Variants in SUGCT observed in about 807,000 individuals in gnomAD.
SUGCT encodes the protein succinyl-CoA:glutarate-CoA transferase.
SUGCT carries 41 observed loss-of-function variants against 55.0 expected under a neutral mutation model. That is an observed-to-expected ratio of 0.74 (90% CI 0.58 to 0.97). SUGCT has a LOEUF of 0.97. SUGCT is among the 50% of genes least tolerant of loss of function. The pLI is 0.00. For missense variants in SUGCT, 568 were observed against 547.8 expected (o/e 1.04, Z -0.37); for synonymous variants, 187 against 200.4 (o/e 0.93, Z 0.56).
the SUGCT span, among the ~76,000 whole-genome samples, chr7:40,993,542 C>T: frequency 1.3e-5 from 2 of 152,144 alleles, no homozygotes; most frequent in African/African-American, 4.8e-5. Context: ...GTTGGGTGTT[C>T]ACATCTCACC....
chr7:40,498,098 G>A (rs1212300377), intron 12 of SUGCT, among the ~76,000 whole-genome samples: 1 of 151,930 alleles, frequency 6.6e-6, no homozygotes, highest in African/African-American at 2.4e-5. Context: ...TTGGTCTATG[G>A]CATATTTTCA....
At chr7:40,945,298 C>T in the SUGCT span, among the ~76,000 whole-genome samples, 9 of 152,228 alleles carry the variant, frequency 5.9e-5, no homozygotes, top group African/African-American at 2.2e-4. Flanking sequence ...ATTCCTGATC[C>T]AGTGTTCTAG....
At chr7:40,887,430 A>G in the SUGCT span, among the ~76,000 whole-genome samples, 2 of 152,246 alleles carry the variant, frequency 1.3e-5, no homozygotes, top group Non-Finnish European at 2.9e-5. Context: ...CATGGAGACA[A>G]GTATAGATTC....
Position 40,829,529 on chromosome 7 carries a change from T to G in SUGCT, c.1154-30787T>G, listed in dbSNP as rs1240559360. 2.0e-5 allele frequency among the ~76,000 whole-genome samples: 3 copies of G among 152,266 alleles called. No homozygotes were observed. In the East Asian group the frequency reaches 5.8e-4, roughly 29 times the overall value. On this transcript the variant is annotated intron_variant, in intron 13 of 13. Transcript: ENST00000335693. ...GGAGTGTCAGTTATTTTATTTTCAGTATTCAGCATGTTTTGAAATATTTCA... is the reference window on the plus strand; with the variant it reads ...GGAGTGTCAGTTATTTTATTTTCAGGATTCAGCATGTTTTGAAATATTTCA...
At chr7:40,510,412 T>C (rs1254268951) in intron 12 of SUGCT, among the ~76,000 whole-genome samples, 1 of 152,144 alleles carries the variant, frequency 6.6e-6, no homozygotes, top group African/African-American at 2.4e-5. Context: ...GTAAACACAG[T>C]GTTTTGGAGT....
chr7:40,940,622 AT>A, the SUGCT span, among the ~76,000 whole-genome samples: 2 of 151,942 alleles, frequency 1.3e-5, no homozygotes, highest in Non-Finnish European at 2.9e-5. Context: ...ATTTTAAGAT[AT>A]TTTAAATTTT....
Position 40,768,857 on chromosome 7 carries a change from A to C in SUGCT, c.1153+19360A>C, listed in dbSNP as rs1011313082. On this transcript the variant is annotated intron_variant, in intron 13 of 13. Transcript: ENST00000335693. ...GTATTGGAAGGCAGGTGCACACAGAAGTTTGATGGGGAGGCACATGTGAGT... is the reference window on the plus strand; with the variant it reads ...GTATTGGAAGGCAGGTGCACACAGACGTTTGATGGGGAGGCACATGTGAGT... Among the ~76,000 whole-genome samples the C allele has an allele frequency of 3.9e-5, 6 of 152,146 alleles. No individual in the cohort carries two copies. In the East Asian group the frequency reaches 1.2e-3, roughly 29 times the overall value.
intron 11 of SUGCT, among the ~76,000 whole-genome samples, chr7:40,477,801 T>A (rs1790788252): frequency 6.6e-6 from 1 of 152,206 alleles, no homozygotes; most frequent in South Asian, 2.1e-4. Flanking sequence ...GCTTGTATAT[T>A]CTGGCGTGTT....
chr7:40,843,282 C>G (rs907361958), intron 13 of SUGCT, among the ~76,000 whole-genome samples: 2 of 151,934 alleles, frequency 1.3e-5, no homozygotes, highest in Non-Finnish European at 2.9e-5. Context: ...GAGGCCGAGG[C>G]GGGCAGATCA....
chr7:40,976,241 C>T, the SUGCT span, among the ~76,000 whole-genome samples: 17 of 152,172 alleles, frequency 1.1e-4, no homozygotes, highest in African/African-American at 4.1e-4. Flanking sequence ...CTGCTGCCCT[C>T]AATTGCTTCT....
chr7:41,016,900 G>A, the SUGCT span, among the ~76,000 whole-genome samples: 4 of 152,174 alleles, frequency 2.6e-5, no homozygotes, highest in African/African-American at 9.7e-5. Context: ...TGGAAATCAG[G>A]TTCTTTCCTT....
chr7:40,799,378 A>C (rs1368876427), intron 13 of SUGCT, among the ~76,000 whole-genome samples: 1 of 152,238 alleles, frequency 6.6e-6, no homozygotes, highest in African/African-American at 2.4e-5. Context: ...GCTTCTAAAG[A>C]AAGCATATAA....
At chr7:40,332,688 G>A (rs1046680070) in intron 9 of SUGCT, among the ~76,000 whole-genome samples, 4 of 152,106 alleles carry the variant, frequency 2.6e-5, no homozygotes, top group Admixed American at 1.3e-4. Context: ...TCTGAGGTTT[G>A]TTCAGCAAAC....
intron 12 of SUGCT, among the ~76,000 whole-genome samples, chr7:40,727,039 C>T (rs1786647185): frequency 6.6e-6 from 1 of 152,192 alleles, no homozygotes; most frequent in African/African-American, 2.4e-5. Flanking sequence ...CATGGGCTGT[C>T]AAATAATGAC....
chr7:40,873,539 C>T, the SUGCT span, among the ~76,000 whole-genome samples: 1 of 152,252 alleles, frequency 6.6e-6, no homozygotes, highest in African/African-American at 2.4e-5. Context: ...AACCTACGCC[C>T]TTCTTGCTTC....
chr7:40,915,600 A>G, the SUGCT span, among the ~76,000 whole-genome samples: 2 of 152,174 alleles, frequency 1.3e-5, no homozygotes, highest in African/African-American at 4.8e-5. Flanking sequence ...ATTCTACCAA[A>G]AGCAGAAAAG....
intron 13 of SUGCT, among the ~76,000 whole-genome samples, chr7:40,761,847 G>T (rs115424350): frequency 6.6e-6 from 1 of 152,160 alleles, no homozygotes; most frequent in Non-Finnish European, 1.5e-5. Flanking sequence ...AAAACTGACC[G>T]TCCTCCGAGG....
intron 12 of SUGCT, among the ~76,000 whole-genome samples, chr7:40,527,345 C>G (rs1056089470): frequency 3.9e-5 from 6 of 152,190 alleles, no homozygotes; most frequent in African/African-American, 1.4e-4. Flanking sequence ...TTTGGTGACA[C>G]AAAACTCTTT....
At chr7:40,773,668 T>C (rs182856021) in intron 13 of SUGCT, among the ~76,000 whole-genome samples, 27 of 152,302 alleles carry the variant, frequency 1.8e-4, no homozygotes, top group African/African-American at 5.8e-4. Flanking sequence ...TTGCTTTTTG[T>C]CTGAGTTCCA....
Sources: allele counts gnomAD v4.1 joint callset (sites outside exome capture counted in the v4.1 genomes callset), GRCh38; gene constraint gnomAD v4.1.1; transcripts MANE v1.5; gene names NCBI Gene and HGNC (gene_info 2026-07-23, HGNC 2026-07-21).